DENND1B: variants seen among roughly 807,000 people sequenced by gnomAD.
DENND1B encodes the protein DENN domain-containing protein 1B.
DENND1B carries 59 observed loss-of-function variants against 90.1 expected under a neutral mutation model. The ratio of observed to expected loss-of-function variants is 0.65; its 90% CI spans 0.53 to 0.81. The LOEUF is 0.81. Among genes scored for constraint, DENND1B ranks in the 40% least tolerant of loss-of-function variants. The pLI is 0.00. For missense variants in DENND1B, 862 were observed against 912.6 expected (o/e 0.94, Z 0.71); for synonymous variants, 337 against 324.6 (o/e 1.04, Z -0.41).
chr1:197,617,484 G>A (rs570227109), intron 11 of DENND1B, among the ~76,000 whole-genome samples, 175 bp downstream of exon 11: 2 of 151,088 alleles, frequency 1.3e-5, no homozygotes, highest in Admixed American at 1.3e-4. Flanking sequence ...ATAAACTTGC[G>A]CTACCTTTGT....
chr1:197,633,458 G>A lies in DENND1B; in HGVS notation c.672+9253C>T, dbSNP rs138894341. 6.8e-4 allele frequency among the ~76,000 whole-genome samples: 103 copies of A among 152,244 alleles called. No homozygotes were observed. The East Asian group carries it at 0.02, about 29-fold the overall frequency. On this transcript the variant is annotated intron_variant, in intron 10 of 22. Transcript: ENST00000620048. Reference sequence around the variant, plus strand: ...AACTTTGTCAGGAGAGGGTACTAAAGGGACAATGCAAAAAGAGAGAACTTG... The same window carrying A: ...AACTTTGTCAGGAGAGGGTACTAAAAGGACAATGCAAAAAGAGAGAACTTG...
intron 2 of DENND1B, among the ~76,000 whole-genome samples, chr1:197,732,899 AAGG>A (rs1391534674): frequency 6.6e-6 from 1 of 152,182 alleles, no homozygotes; most frequent in Non-Finnish European, 1.5e-5. Context: ...CATCTCCTCC[AAGG>A]AGTTGTATAA....
At chr1:197,567,991 A>G (rs1672824837) in intron 15 of DENND1B, among the ~76,000 whole-genome samples, 1 of 140,456 alleles carries the variant, frequency 7.1e-6, no homozygotes, top group Non-Finnish European at 1.6e-5. Flanking sequence ...AACTGGGGAG[A>G]TGAGGGGAGG....
At chr1:197,741,191 T>TA (rs1663180821) in intron 2 of DENND1B, among the ~76,000 whole-genome samples, 1 of 152,122 alleles carries the variant, frequency 6.6e-6, no homozygotes, top group South Asian at 2.1e-4. Flanking sequence ...CGCTGGCTGG[T>TA]AAAAAATAAC....
At chr1:197,651,645 C>CTTTTTT (rs34012616) in intron 7 of DENND1B, among the ~76,000 whole-genome samples, 7 of 61,560 alleles carry the variant, frequency 1.1e-4, no homozygotes, top group African/African-American at 2.2e-4. Context: ...ATCAATGCTT[C>CTTTTTT]TTTTTTTTTT....
intron 1 of DENND1B, among the ~76,000 whole-genome samples, chr1:197,773,334 CATT>C (rs1422072711): frequency 6.6e-6 from 1 of 152,174 alleles, no homozygotes; most frequent in Non-Finnish European, 1.5e-5. Context: ...CCCTAAGTGT[CATT>C]ATACCCTGCC....
chr1:197,669,383 A>G (rs748870038), intron 5 of DENND1B, among the ~76,000 whole-genome samples: 1 of 152,088 alleles, frequency 6.6e-6, no homozygotes, highest in Non-Finnish European at 1.5e-5. Context: ...AACTCCTCTT[A>G]TTGTAGCACT....
At chr1:197,756,687 T>C (rs1471899661) in intron 2 of DENND1B, among the ~76,000 whole-genome samples, 2 of 150,684 alleles carry the variant, frequency 1.3e-5, no homozygotes, top group African/African-American at 4.9e-5. Flanking sequence ...CATGGGTCAC[T>C]AATAATAAAC....
chr1:197,717,988 T>G (rs1034690197), intron 2 of DENND1B, among the ~76,000 whole-genome samples: 6 of 152,054 alleles, frequency 3.9e-5, no homozygotes, highest in Admixed American at 1.3e-4. Context: ...ACAATATTAG[T>G]ATTTTTCTTG....
At chr1:197,543,819 T>C (rs1670517347) in intron 18 of DENND1B, among the ~76,000 whole-genome samples, 1 of 152,184 alleles carries the variant, frequency 6.6e-6, no homozygotes, top group Non-Finnish European at 1.5e-5. Flanking sequence ...ATGGAATTTT[T>C]AAACAGAAAG....
chr1:197,730,467 C>T (rs562595260), intron 2 of DENND1B, among the ~76,000 whole-genome samples: 16 of 152,164 alleles, frequency 1.1e-4, no homozygotes, highest in African/African-American at 3.6e-4. Flanking sequence ...AACAAAATCA[C>T]CTAATTTTTA....
At chr1:197,663,719 G>A (rs916349523) in intron 5 of DENND1B, among the ~76,000 whole-genome samples, 1 of 152,004 alleles carries the variant, frequency 6.6e-6, no homozygotes, top group Non-Finnish European at 1.5e-5. Flanking sequence ...GTACTATTCA[G>A]ATCACCGTAC....
chr1:197,685,802 C>T (rs1362169912), intron 3 of DENND1B: 1 of 151,730 alleles, frequency 6.6e-6, no homozygotes, highest in Admixed American at 6.6e-5. Context: ...CTTGAAATTC[C>T]AAATAGAAAT....
chr1:197,583,047 T>C, intron 15 of DENND1B, 105 bp downstream of exon 15: 1 of 1,033,020 alleles, frequency 9.7e-7, no homozygotes, highest in Non-Finnish European at 1.5e-6. Context: ...CCTGACATTC[T>C]AGAAAAGATG....
intron 3 of DENND1B, among the ~76,000 whole-genome samples, chr1:197,695,689 A>AT (rs11448383): frequency 0.84 from 126,594 of 150,648 alleles, 53,484 homozygotes; most frequent in African/African-American, 0.92. Flanking sequence ...CAATGAAATT[A>AT]TTTCTGTCTC....
intron 2 of DENND1B, among the ~76,000 whole-genome samples, chr1:197,721,293 TCTC>T (rs1266577789): frequency 1.3e-5 from 2 of 151,860 alleles, no homozygotes; most frequent in African/African-American, 4.8e-5. Flanking sequence ...ATGGTCTCGA[TCTC>T]CTGACCTCGT....
chr1:197,720,781 T>C (rs1661097234), intron 2 of DENND1B, among the ~76,000 whole-genome samples: 1 of 152,164 alleles, frequency 6.6e-6, no homozygotes, highest in East Asian at 1.9e-4. Flanking sequence ...AAGAATAGTA[T>C]GATAGACTGT....
chr1:197,771,149 T>A (rs1656548462), intron 2 of DENND1B, among the ~76,000 whole-genome samples: 3 of 152,032 alleles, frequency 2.0e-5, no homozygotes, highest in African/African-American at 7.2e-5. Context: ...TGGCCTCAGA[T>A]GATCTGTCCA....
At position 197,640,670 on chromosome 1, in the gene DENND1B, A is replaced by C. The variant is rs149082834; in HGVS notation, c.672+2041T>G. The stretch of plus-strand genomic sequence containing the variant: ...ACTGAGTCAAACAGATTACTTGGTC[A>C]TTAAGAGGTGGATATAAATTAAATA... On this transcript the variant is annotated intron_variant, in intron 10 of 22. Transcript: ENST00000620048. Among the ~76,000 whole-genome samples the C allele has an allele frequency of 8.5e-3, 1,296 of 152,288 alleles. 22 individuals carry two copies. The highest frequency in any genetic ancestry group is 8.8e-3 in the Non-Finnish European group (597 of 68,014).
Sources: allele counts gnomAD v4.1 joint callset (sites outside exome capture counted in the v4.1 genomes callset), GRCh38; gene constraint gnomAD v4.1.1; transcripts MANE v1.5; gene names NCBI Gene and HGNC (gene_info 2026-07-23, HGNC 2026-07-21).